CCNJ: variants seen among roughly 807,000 people sequenced by gnomAD.
The protein encoded by CCNJ is cyclin J, also known as cyclin-J.
In CCNJ, 12 loss-of-function variants were observed where a neutral mutation model predicts 41.4. That is an observed-to-expected ratio of 0.29 (90% CI 0.19 to 0.47). The LOEUF (loss-of-function observed/expected upper bound fraction) is 0.47. Among genes scored for constraint, CCNJ ranks in the 20% least tolerant of loss-of-function variants. The pLI is 1.00. For missense variants in CCNJ, 340 were observed against 464.6 expected, an observed-to-expected ratio of 0.73 and a Z score of 2.47; for synonymous variants, 161 against 173.4, an observed-to-expected ratio of 0.93 and a Z score of 0.56.
At chr10:96,043,574 C>G (rs1050945202), upstream of CCNJ, 1 of 394,894 alleles carries the variant, frequency 2.5e-6, no homozygotes, top group Non-Finnish European at 4.5e-6. Context: ...AGCCGCCTGC[C>G]GGTCCTTTAA....
chr10:96,056,308 CAAAA>C (rs769527248), intron 3 of CCNJ, among the ~76,000 whole-genome samples: 5 of 129,562 alleles, frequency 3.9e-5, no homozygotes, highest in African/African-American at 1.4e-4. Context: ...GACTCCATCT[CAAAA>C]AAAAAAAAAA....
At chr10:96,048,880 A>G (rs1433274392) in intron 2 of CCNJ, among the ~76,000 whole-genome samples, 5 of 152,184 alleles carry the variant, frequency 3.3e-5, no homozygotes, top group Non-Finnish European at 7.3e-5. Context: ...TGTTTTGAAC[A>G]TGTGTGTACA....
intron 3 of CCNJ, among the ~76,000 whole-genome samples, chr10:96,054,471 AC>A (rs900458159): frequency 1.3e-5 from 2 of 152,092 alleles, no homozygotes; most frequent in African/African-American, 2.4e-5. Context: ...CTGAATTAAA[AC>A]CCCAAGTATG....
chr10:96,056,246 T>C (rs1440677176), intron 3 of CCNJ, among the ~76,000 whole-genome samples: 2 of 151,778 alleles, frequency 1.3e-5, no homozygotes, highest in African/African-American at 4.8e-5. Context: ...GAGGTGGAGC[T>C]TGCAGTGAGC....
chr10:96,057,658 A>G (rs1456414021), intron 5 of CCNJ, among the ~76,000 whole-genome samples, 172 bp from the exon 6 acceptor site: 1 of 152,192 alleles, frequency 6.6e-6, no homozygotes, highest in East Asian at 1.9e-4. Context: ...CAAGGGAAAT[A>G]GCTTTAGAAG....
At chr10:96,045,086 A>C (rs2080325694) in intron 2 of CCNJ, among the ~76,000 whole-genome samples, 1 of 152,170 alleles carries the variant, frequency 6.6e-6, no homozygotes, top group Non-Finnish European at 1.5e-5. Context: ...AAGTGGAGGG[A>C]GTTGGCTGCC....
At chr10:96,047,811 G>A (rs536453462) in intron 2 of CCNJ, among the ~76,000 whole-genome samples, 1 of 152,060 alleles carries the variant, frequency 6.6e-6, no homozygotes, top group Non-Finnish European at 1.5e-5. Flanking sequence ...GGGTACGTGT[G>A]CAGGATGTGC....
chr10:96,047,609 G>T (rs547654298), intron 2 of CCNJ, among the ~76,000 whole-genome samples: 3 of 152,306 alleles, frequency 2.0e-5, no homozygotes, highest in Non-Finnish European at 2.9e-5. Flanking sequence ...CTGTACTCCA[G>T]CCTGGGCTAC....
intron 2 of CCNJ, 70 bp from the exon 3 acceptor site, chr10:96,050,186 T>C (rs568446179): frequency 4.0e-6 from 4 of 1,008,026 alleles, no homozygotes; most frequent in African/African-American, 1.6e-5. Flanking sequence ...GGAAAAACAA[T>C]GTTAAGTCAT....
At chr10:96,043,201 G>A (rs2080261801), upstream of CCNJ, among the ~76,000 whole-genome samples, 1 of 152,218 alleles carries the variant, frequency 6.6e-6, no homozygotes, top group Non-Finnish European at 1.5e-5. Flanking sequence ...ACTTTGCTCC[G>A]CGGGCATCGA....
At chr10:96,043,954 T>C (rs2080285655) in intron 1 of CCNJ, among the ~76,000 whole-genome samples, 1 of 152,094 alleles carries the variant, frequency 6.6e-6, no homozygotes, top group Admixed American at 6.5e-5. Flanking sequence ...TGGGAGCGTT[T>C]CCCCTCAGCG....
chr10:96,053,986 AGC>A (rs2080606353), intron 3 of CCNJ, among the ~76,000 whole-genome samples: 1 of 152,164 alleles, frequency 6.6e-6, no homozygotes, highest in African/African-American at 2.4e-5. Context: ...GGGTTGGCAG[AGC>A]ACTCGGTGAC....
chr10:96,044,506 C>G (rs1590984725), intron 2 of CCNJ, 44 bp downstream of exon 2: 2 of 1,393,554 alleles, frequency 1.4e-6, no homozygotes, highest in Non-Finnish European at 1.9e-6. Flanking sequence ...GTGTGTCGCG[C>G]CAGTTGTTCT....
In CCNJ at chr10:96,048,027, G is replaced by C. The variant is rs147488644; in HGVS notation, c.70-2229G>C. ...TCATTTAGCTCCCACTTATAAGTGA[G>C]AACATGTGGTATTTGGTTTTCTTTT... On this transcript the variant is annotated intron_variant, in intron 2 of 5. Coordinates refer to ENST00000465148, the MANE Select transcript of CCNJ (RefSeq NM_001134375.2). Among the ~76,000 whole-genome samples the C allele has an allele frequency of 6.0e-5, 9 of 149,928 alleles. No individual in the cohort carries two copies. In the East Asian group the frequency reaches 1.8e-3, roughly 30 times the overall value.
At chr10:96,047,201 T>A (rs1188334711) in intron 2 of CCNJ, among the ~76,000 whole-genome samples, 1 of 152,192 alleles carries the variant, frequency 6.6e-6, no homozygotes, top group Non-Finnish European at 1.5e-5. Context: ...GTCTGCTGCA[T>A]GGGAGATGCT....
chr10:96,054,656 C>T (rs777409055), intron 3 of CCNJ, among the ~76,000 whole-genome samples: 41 of 152,238 alleles, frequency 2.7e-4, no homozygotes, highest in Non-Finnish European at 5.1e-4. Flanking sequence ...ATAAATTTTC[C>T]TTTTGGCTTC....
At chr10:96,043,359 A>G, upstream of CCNJ, 1 of 340,526 alleles carries the variant, frequency 2.9e-6, no homozygotes, top group Non-Finnish European at 5.3e-6. Context: ...CGCCCCGGCA[A>G]CCGAAGCGCC....
At chr10:96,044,298 G>A (rs528686211) in intron 1 of CCNJ, 55 bp from the exon 2 acceptor site, 4 of 996,198 alleles carry the variant, frequency 4.0e-6, no homozygotes, top group South Asian at 2.9e-5. Flanking sequence ...CGGGGAGGGG[G>A]CGCAGAGGGT....
Position 96,044,659 on chromosome 10 carries a change from A to G in CCNJ, c.69+197A>G, listed in dbSNP as rs78144737. On this transcript the variant is annotated intron_variant, in intron 2 of 5. Transcript: ENST00000465148. ...TGTATCAAAAGAACCTGCAACCTGA[A>G]TGAGTAGGGAGATGGTAGTTGGGCC... Among the ~76,000 whole-genome samples, 478 of 152,310 alleles carry G rather than the reference A, an allele frequency of 3.1e-3. 2 individuals are homozygous for G. Among genetic ancestry groups the G allele is most frequent in the Non-Finnish European group, 4.9e-3 (331 of 68,028 alleles).
Sources: allele counts gnomAD v4.1 joint callset (sites outside exome capture counted in the v4.1 genomes callset), GRCh38; gene constraint gnomAD v4.1.1; transcripts MANE v1.5; gene names NCBI Gene and HGNC (gene_info 2026-07-23, HGNC 2026-07-21).